NAALADL2: variants seen among roughly 807,000 people sequenced by gnomAD.
NAALADL2 encodes the protein N-acetylated alpha-linked acidic dipeptidase like 2.
In NAALADL2, 76 loss-of-function variants were observed where a neutral mutation model predicts 87.2. The observed-to-expected ratio is 0.87, with a 90% CI of 0.72 to 1.05. The LOEUF (loss-of-function observed/expected upper bound fraction) is 1.05, where lower values mean the gene tolerates loss of function less well. NAALADL2 is among the 50% of genes least tolerant of loss of function. The probability of loss-of-function intolerance (pLI) is 0.00; values close to 1 mark genes in which losing one functional copy is unlikely to be tolerated. For synonymous variants in NAALADL2, 354 were observed against 331.0 expected, an observed-to-expected ratio of 1.07 and a Z score of -0.75; for missense variants, 1,089 against 945.8, an observed-to-expected ratio of 1.15 and a Z score of -1.99.
intron 1 of NAALADL2, among the ~76,000 whole-genome samples, chr3:174,933,930 T>G (rs570844360): frequency 6.6e-6 from 1 of 152,308 alleles, no homozygotes; most frequent in Non-Finnish European, 1.5e-5. Context: ...CTCATTACAC[T>G]TCTATGGTAT....
intron 1 of NAALADL2, among the ~76,000 whole-genome samples, chr3:174,522,126 T>A (rs935775922): frequency 6.6e-6 from 1 of 152,020 alleles, no homozygotes; most frequent in Non-Finnish European, 1.5e-5. Flanking sequence ...CCATGCACAA[T>A]GGCATTCTGT....
At chr3:174,650,818 C>T (rs1024934642) in intron 2 of NAALADL2, among the ~76,000 whole-genome samples, 3 of 152,078 alleles carry the variant, frequency 2.0e-5, no homozygotes, top group East Asian at 1.9e-4. Context: ...TGTCTTAGCA[C>T]GCCAGGCTTC....
At chr3:175,653,402 G>A (rs1038947515) in intron 11 of NAALADL2, among the ~76,000 whole-genome samples, 6 of 152,114 alleles carry the variant, frequency 3.9e-5, no homozygotes, top group African/African-American at 9.7e-5. Flanking sequence ...ATTTTCTAAC[G>A]TTAATTTGTT....
At chr3:174,494,600 G>A (rs539357519) in intron 1 of NAALADL2, among the ~76,000 whole-genome samples, 1 of 144,442 alleles carries the variant, frequency 6.9e-6, no homozygotes, top group East Asian at 2.0e-4. Flanking sequence ...TTGTGCACAT[G>A]TACCCTAGAA....
At chr3:175,781,703 TTTTA>T (rs1297990526) in intron 13 of NAALADL2, among the ~76,000 whole-genome samples, 9 of 151,598 alleles carry the variant, frequency 5.9e-5, no homozygotes, top group East Asian at 1.9e-4. Context: ...AACATAACGC[TTTTA>T]TTTTTTTTAT....
intron 2 of NAALADL2, among the ~76,000 whole-genome samples, chr3:174,677,700 A>T (rs757686281): frequency 6.6e-5 from 10 of 152,174 alleles, no homozygotes; most frequent in Admixed American, 1.3e-4. Flanking sequence ...AATAATGAAT[A>T]TTGTTGATTC....
intron 5 of NAALADL2, among the ~76,000 whole-genome samples, chr3:175,394,243 A>C (rs967202019): frequency 2.6e-5 from 4 of 152,246 alleles, no homozygotes; most frequent in Non-Finnish European, 5.9e-5. Flanking sequence ...ATGAAAAAAA[A>C]GTCGGTTAAT....
intron 4 of NAALADL2, among the ~76,000 whole-genome samples, chr3:175,285,480 A>G (rs1390625481): frequency 6.6e-6 from 1 of 152,134 alleles, no homozygotes; most frequent in Non-Finnish European, 1.5e-5. Context: ...GAATACTTTG[A>G]GCTCTTCCAA....
chr3:174,998,677 A>G (rs1043938620), intron 1 of NAALADL2, among the ~76,000 whole-genome samples: 2 of 152,178 alleles, frequency 1.3e-5, no homozygotes, highest in African/African-American at 4.8e-5. Context: ...AGATTCTTTT[A>G]TAGTACCTAA....
chr3:174,732,145 TA>T (rs1284525859), intron 2 of NAALADL2, among the ~76,000 whole-genome samples: 1 of 152,152 alleles, frequency 6.6e-6, no homozygotes, highest in Non-Finnish European at 1.5e-5. Flanking sequence ...TCTTATATAT[TA>T]ACTAGCAATG....
intron 11 of NAALADL2, among the ~76,000 whole-genome samples, chr3:175,681,682 C>A (rs1490624930): frequency 6.6e-6 from 1 of 152,050 alleles, no homozygotes; most frequent in African/African-American, 2.4e-5. Context: ...AAGGGTTAAA[C>A]TATGAAAACA....
intron 12 of NAALADL2, among the ~76,000 whole-genome samples, chr3:175,742,072 G>A (rs992399179): frequency 2.6e-5 from 4 of 152,234 alleles, no homozygotes; most frequent in Non-Finnish European, 5.9e-5. Context: ...AGGAATAGTC[G>A]CTTATGCCTT....
At chr3:174,514,636 A>G (rs1283520390) in intron 1 of NAALADL2, among the ~76,000 whole-genome samples, 1 of 151,954 alleles carries the variant, frequency 6.6e-6, no homozygotes, top group Non-Finnish European at 1.5e-5. Context: ...CCTATTTCAC[A>G]TTTGGGCTCT....
intron 9 of NAALADL2, among the ~76,000 whole-genome samples, chr3:175,506,368 G>A (rs1253085473): frequency 2.0e-5 from 3 of 152,058 alleles, no homozygotes; most frequent in Non-Finnish European, 2.9e-5. Flanking sequence ...AAAACCTGAA[G>A]GTTCATGCAA....
rs755599926 is a variant in NAALADL2 at position 175,097,084 on chromosome 3, C to A, written c.338C>A (p.Ser113Tyr). The A allele has an allele frequency of 2.5e-6, 4 of 1,613,672 alleles. No individual in the cohort carries two copies. In the South Asian group the frequency reaches 4.4e-5, roughly 18 times the overall value. The change falls in exon 2 of 14, where the codon TCT becomes TAT. Residue 113 changes from serine (S) to tyrosine (Y), a missense_variant. Coordinates refer to ENST00000454872, the MANE Select transcript of NAALADL2 (RefSeq NM_207015.3). ...ESDYITHYTR[S>Y]APKSNRCNFC... is the part of the protein sequence containing the mutation. The stretch of plus-strand genomic sequence containing the variant: ...GACTACATTACCCATTATACACGAT[C>A]TGCACCAAAGAGCAATCGCTGCAAC...
chr3:174,908,021 G>GTTTTT (rs35051279), intron 1 of NAALADL2, among the ~76,000 whole-genome samples: 16 of 82,554 alleles, frequency 1.9e-4, no homozygotes, highest in East Asian at 4.0e-4. Context: ...AGAGAAGTTG[G>GTTTTT]TTTTTTTTTT....
intron 2 of NAALADL2, among the ~76,000 whole-genome samples, chr3:174,572,262 C>A (rs558631290): frequency 1.3e-5 from 2 of 152,146 alleles, no homozygotes; most frequent in South Asian, 4.1e-4. Context: ...GTAACCAGGA[C>A]AGGAGGTGCA....
chr3:174,583,902 T>C (rs550669459), intron 2 of NAALADL2, among the ~76,000 whole-genome samples: 26 of 152,326 alleles, frequency 1.7e-4, no homozygotes, highest in African/African-American at 6.0e-4. Flanking sequence ...CATGTACTTT[T>C]TCTGAGTCCC....
At chr3:175,057,201 A>T (rs1712393544) in intron 1 of NAALADL2, among the ~76,000 whole-genome samples, 1 of 152,164 alleles carries the variant, frequency 6.6e-6, no homozygotes, top group South Asian at 2.1e-4. Flanking sequence ...GAAAAAATAG[A>T]CAGAAAAATA....
Sources: gnomAD v4.1 joint callset for allele counts (sites outside exome capture counted in the v4.1 genomes callset) on GRCh38, gnomAD v4.1.1 for gene constraint, MANE v1.5 for transcripts, NCBI Gene and HGNC (gene_info 2026-07-23, HGNC 2026-07-21) for gene names.